The following GADL1 variants were observed in gnomAD, a reference collection of about 807,000 sequenced individuals.
GADL1 encodes acidic amino acid decarboxylase GADL1.
Under a neutral mutation model 69.5 loss-of-function variants are expected in GADL1, and 71 were observed. That is an observed-to-expected ratio of 1.02 (90% CI 0.84 to 1.25). The LOEUF (loss-of-function observed/expected upper bound fraction) is 1.25, where lower values mean the gene tolerates loss of function less well. Among genes scored for constraint, GADL1 ranks in the 50% most tolerant of loss-of-function variants. The pLI is 0.00. For missense variants in GADL1, 737 were observed against 631.8 expected (o/e 1.17, Z -1.79); for synonymous variants, 254 against 214.4 (o/e 1.18, Z -1.62).
chr3:30,778,401 G>C, intron 13 of GADL1, 133 bp from the exon 14 acceptor site: 1 of 622,336 alleles, frequency 1.6e-6, no homozygotes, highest in Non-Finnish European at 2.8e-6. Flanking sequence ...GAATCTTATA[G>C]AGTAACAATC....
At chr3:30,828,406 C>T (rs951944571) in intron 11 of GADL1, among the ~76,000 whole-genome samples, 2 of 146,658 alleles carry the variant, frequency 1.4e-5, no homozygotes, top group Non-Finnish European at 3.0e-5. Context: ...TGTGGCTCAG[C>T]ACATCCTCAA....
intron 14 of GADL1, among the ~76,000 whole-genome samples, chr3:30,734,706 T>C (rs1049103510): frequency 2.0e-5 from 3 of 152,226 alleles, no homozygotes; most frequent in Admixed American, 1.3e-4. Context: ...TAACCCACAA[T>C]ATAGAAGCTT....
At position 30,730,453 on chromosome 3, in the gene GADL1, T is replaced by C. The variant is rs914552241; in HGVS notation, c.1393-2038A>G. 2.0e-5 allele frequency among the ~76,000 whole-genome samples: 3 copies of C among 152,182 alleles called. No individual in the cohort carries two copies. The South Asian group carries it at 6.2e-4, about 31-fold the overall frequency. On this transcript the variant is annotated intron_variant, in intron 14 of 14. Transcript: ENST00000282538. ...CAGACTGATTCTGCACGGAGATCGC[T>C]ACACAGGTGTCTGAGTACTTACTTC...
intron 2 of GADL1, among the ~76,000 whole-genome samples, chr3:30,860,036 G>A (rs1272059446): frequency 6.6e-6 from 1 of 151,766 alleles, no homozygotes; most frequent in Non-Finnish European, 1.5e-5. Flanking sequence ...CTTTTGCAAT[G>A]CTCTTTCCAT....
chr3:30,756,519 T>C (rs1695974584), intron 14 of GADL1, among the ~76,000 whole-genome samples: 1 of 152,206 alleles, frequency 6.6e-6, no homozygotes, highest in African/African-American at 2.4e-5. Flanking sequence ...CTATTCCTCA[T>C]CTCTGTAATC....
chr3:30,848,289 C>T (rs919441625), intron 6 of GADL1, among the ~76,000 whole-genome samples: 2 of 152,164 alleles, frequency 1.3e-5, no homozygotes, highest in African/African-American at 4.8e-5. Flanking sequence ...TAGATGATTC[C>T]TCCCAGTTGC....
chr3:30,741,957 C>T (rs886754583), intron 14 of GADL1, among the ~76,000 whole-genome samples: 21 of 152,152 alleles, frequency 1.4e-4, no homozygotes, highest in African/African-American at 4.3e-4. Context: ...TTCAACTCTC[C>T]TAAGCCCACT....
Position 30,792,264 on chromosome 3 carries a change from T to G in GADL1, c.1251-5858A>C, listed in dbSNP as rs138189746. Among the ~76,000 whole-genome samples the G allele has an allele frequency of 2.1e-4, 32 of 152,312 alleles. No individual in the cohort carries two copies. In the East Asian group the frequency reaches 4.2e-3, roughly 20 times the overall value. On this transcript the variant is annotated intron_variant, in intron 12 of 14. Transcript: ENST00000282538. Reference sequence around the variant, plus strand: ...CTGCTAGGCATATCAATTAGATTGATTTTTGTCTATGCTTAGAAGTACACT... The same window carrying G: ...CTGCTAGGCATATCAATTAGATTGAGTTTTGTCTATGCTTAGAAGTACACT...
At chr3:30,860,760 T>C (rs1170555828) in intron 2 of GADL1, among the ~76,000 whole-genome samples, 1 of 152,004 alleles carries the variant, frequency 6.6e-6, no homozygotes, top group African/African-American at 2.4e-5. Context: ...AAAGGTTGAT[T>C]CGGTAATTTT....
At chr3:30,817,257 C>T (rs9836482) in intron 11 of GADL1, among the ~76,000 whole-genome samples, 27,090 of 152,154 alleles carry the variant, frequency 0.18, 2,507 homozygotes, top group African/African-American at 0.22. Flanking sequence ...AATAAATCCC[C>T]ATACAGGGAG....
At chr3:30,847,215 T>C (rs1320078964) in intron 6 of GADL1, among the ~76,000 whole-genome samples, 1 of 152,194 alleles carries the variant, frequency 6.6e-6, no homozygotes, top group Non-Finnish European at 1.5e-5. Context: ...CTTGGATATA[T>C]TGACAGTGCA....
intron 14 of GADL1, among the ~76,000 whole-genome samples, chr3:30,773,628 CA>C (rs1696469182): frequency 6.6e-6 from 1 of 152,016 alleles, no homozygotes; most frequent in South Asian, 2.1e-4. Context: ...TATTTTGAAA[CA>C]CAATCTTGTC....
At chr3:30,811,201 A>G (rs1039046815) in intron 11 of GADL1, among the ~76,000 whole-genome samples, 1 of 152,144 alleles carries the variant, frequency 6.6e-6, no homozygotes, top group Non-Finnish European at 1.5e-5. Flanking sequence ...AAATACCCCT[A>G]ACTAAGGGTT....
intron 14 of GADL1, among the ~76,000 whole-genome samples, chr3:30,762,260 G>A (rs898313379): frequency 1.3e-5 from 2 of 152,144 alleles, no homozygotes; most frequent in Non-Finnish European, 2.9e-5. Flanking sequence ...AAGGTTCATG[G>A]CAGTAATCTA....
rs1353520011 is a variant in GADL1, at chr3:30,741,521, A to T, written c.1393-13106T>A. 7.2e-5 allele frequency among the ~76,000 whole-genome samples: 11 copies of T among 152,058 alleles called. No individual in the cohort carries two copies. The East Asian group carries it at 2.1e-3, about 29-fold the overall frequency. ...ATCTGTCTATTCTCAGAATAATCCAAGTTGTTTTATTTATATAATTCTATA... is the reference window on the plus strand; with the variant it reads ...ATCTGTCTATTCTCAGAATAATCCATGTTGTTTTATTTATATAATTCTATA... On this transcript the variant is annotated intron_variant, in intron 14 of 14. Transcript: ENST00000282538.
In GADL1 at chr3:30,741,710, T is replaced by A. The variant is rs758309150; in HGVS notation, c.1393-13295A>T. On this transcript the variant is annotated intron_variant, in intron 14 of 14. Transcript: ENST00000282538. Reference sequence around the variant, plus strand: ...GCCCATGTATAAATTAGGGAAAAATTAATCTTCTCACCTAAAATTATGGTG... The same window carrying A: ...GCCCATGTATAAATTAGGGAAAAATAAATCTTCTCACCTAAAATTATGGTG... Among the ~76,000 whole-genome samples, 8 of 152,168 alleles carry A rather than the reference T, an allele frequency of 5.3e-5. No homozygotes were observed. In the East Asian group the frequency reaches 1.5e-3, roughly 29 times the overall value.
intron 13 of GADL1, among the ~76,000 whole-genome samples, chr3:30,783,196 C>A (rs886872822): frequency 1.3e-5 from 2 of 152,110 alleles, no homozygotes; most frequent in Non-Finnish European, 2.9e-5. Context: ...ATAACTCCTC[C>A]TAGTGTAGAC....
intron 13 of GADL1, among the ~76,000 whole-genome samples, chr3:30,781,689 CTTTCTG>C (rs1362618545): frequency 6.6e-6 from 1 of 152,176 alleles, no homozygotes; most frequent in Admixed American, 6.6e-5. Flanking sequence ...GAGTATCAAA[CTTTCTG>C]TTTCTGCTTC....
chr3:30,810,537 T>G (rs1697330427), intron 11 of GADL1, among the ~76,000 whole-genome samples: 1 of 152,186 alleles, frequency 6.6e-6, no homozygotes, highest in Admixed American at 6.5e-5. Flanking sequence ...CTTTCCTTAA[T>G]ACATTTGACG....
Sources: gnomAD v4.1 joint callset for allele counts (sites outside exome capture counted in the v4.1 genomes callset) on GRCh38, gnomAD v4.1.1 for gene constraint, MANE v1.5 for transcripts, NCBI Gene and HGNC (gene_info 2026-07-23, HGNC 2026-07-21) for gene names.